The following EIPR1 variants were observed in gnomAD, a reference collection of about 807,000 sequenced individuals.
The protein encoded by EIPR1 is EARP complex and GARP complex interacting protein 1.
Under a neutral mutation model 48.1 loss-of-function variants are expected in EIPR1, and 25 were observed. The observed-to-expected ratio is 0.52, with a 90% CI of 0.38 to 0.73. The LOEUF is 0.73. Ranked by LOEUF, EIPR1 falls within the 30% of genes least tolerant of loss-of-function variation. The pLI is 0.00. For missense variants in EIPR1, 415 were observed against 506.2 expected (o/e 0.82, Z 1.73); for synonymous variants, 204 against 201.9 (o/e 1.01, Z -0.09).
chr2:3,324,252 C>A (rs187556638), intron 3 of EIPR1, among the ~76,000 whole-genome samples: 3 of 152,332 alleles, frequency 2.0e-5, no homozygotes. Context: ...GAGCGCAGGA[C>A]CCACCCGAGA....
At position 3,309,902 on chromosome 2, in the gene EIPR1, C is replaced by G. The variant is rs576455925; in HGVS notation, c.259+28115G>C. On this transcript the variant is annotated intron_variant, in intron 3 of 8. Coordinates refer to ENST00000382125, the MANE Select transcript of EIPR1 (RefSeq NM_003310.5). ...GAGACGGTGGTGTGGGTAGGATTCTCCCTGCAGGCTCTGGCAGCGCCCCTG... is the reference window on the plus strand; with the variant it reads ...GAGACGGTGGTGTGGGTAGGATTCTGCCTGCAGGCTCTGGCAGCGCCCCTG... Among the ~76,000 whole-genome samples the G allele has an allele frequency of 2.6e-5, 4 of 152,224 alleles. No homozygotes were observed. The East Asian group carries it at 5.8e-4, about 22-fold the overall frequency.
chr2:3,229,081 G>A (rs547731151), intron 4 of EIPR1, among the ~76,000 whole-genome samples: 2 of 152,338 alleles, frequency 1.3e-5, no homozygotes, highest in East Asian at 3.9e-4. Context: ...AGAATGAACA[G>A]AGCAGTTGAC....
chr2:3,192,362 C>A, intron 8 of EIPR1, 52 bp downstream of exon 8: 1 of 1,509,400 alleles, frequency 6.6e-7, no homozygotes, highest in Non-Finnish European at 8.9e-7. Context: ...GATGGCTGTG[C>A]AGACAGGAGG....
At chr2:3,217,608 G>C (rs773631732) in intron 4 of EIPR1, among the ~76,000 whole-genome samples, 41 of 152,084 alleles carry the variant, frequency 2.7e-4, no homozygotes, top group Non-Finnish European at 5.7e-4. Context: ...ACTGTAGAAA[G>C]AGATGTTCGT....
At chr2:3,342,184 A>G (rs1397059459) in intron 2 of EIPR1, among the ~76,000 whole-genome samples, 1 of 152,232 alleles carries the variant, frequency 6.6e-6, no homozygotes, top group Non-Finnish European at 1.5e-5. Context: ...CATAGCTTTA[A>G]AAGTTATGAT....
intron 1 of EIPR1, 184 bp downstream of exon 1, chr2:3,377,464 G>C (rs1659928992): frequency 1.5e-6 from 1 of 658,768 alleles, no homozygotes; most frequent in Non-Finnish European, 2.4e-6. Flanking sequence ...GGCCAACCCT[G>C]TTATCCAGTA....
Position 3,189,248 on chromosome 2 carries a change from GA to G in EIPR1, c.*85del. ...CCAGAGAGGGATCCACCTGGAACACGAGTCACCTCCAAAGAGCTGCGACTGT... is the reference window on the plus strand; with the variant it reads ...CCAGAGAGGGATCCACCTGGAACACGGTCACCTCCAAAGAGCTGCGACTGT... On this transcript the variant is annotated 3_prime_UTR_variant, in exon 9 of 9. Coordinates refer to ENST00000382125, the MANE Select transcript of EIPR1 (RefSeq NM_003310.5). This position sits in a 1 kb window ranked among gnomAD's most constrained non-coding sequence, Gnocchi z 4.6. 7.4e-7 allele frequency: 1 copy of G among 1,346,664 alleles called. No individual in the cohort carries two copies. The highest frequency in any genetic ancestry group is 9.8e-7 in the Non-Finnish European group (1 of 1,017,238). The allele number at this position is 1,346,664 out of a possible 1,614,324, so 83.4% of individuals were successfully genotyped here.
chr2:3,287,743 C>T (rs908024058), intron 3 of EIPR1, among the ~76,000 whole-genome samples: 6 of 151,932 alleles, frequency 3.9e-5, no homozygotes, highest in Non-Finnish European at 7.4e-5. Context: ...CTCTAGAAAG[C>T]TCATTCACTA....
At chr2:3,229,993 T>C (rs1349715624) in intron 4 of EIPR1, among the ~76,000 whole-genome samples, 1 of 152,226 alleles carries the variant, frequency 6.6e-6, no homozygotes, top group African/African-American at 2.4e-5. Context: ...TTTTCAACAC[T>C]ATCTTTACAT....
chr2:3,349,215 G>A (rs1258596285), intron 2 of EIPR1, among the ~76,000 whole-genome samples: 1 of 152,114 alleles, frequency 6.6e-6, no homozygotes, highest in East Asian at 1.9e-4. Context: ...ATTCTGCCAC[G>A]CACCAGCTCC....
intron 6 of EIPR1, among the ~76,000 whole-genome samples, chr2:3,196,506 G>A (rs746808065): frequency 6.6e-6 from 1 of 152,166 alleles, no homozygotes; most frequent in African/African-American, 2.4e-5. Flanking sequence ...ACGACCCCAG[G>A]AGAGACTTAA....
chr2:3,228,401 C>T (rs965927005), intron 4 of EIPR1, among the ~76,000 whole-genome samples: 2 of 152,234 alleles, frequency 1.3e-5, no homozygotes, highest in African/African-American at 4.8e-5. Flanking sequence ...TTGCTCAATG[C>T]CTGTACCACC....
At chr2:3,209,385 C>T (rs930145583) in intron 5 of EIPR1, among the ~76,000 whole-genome samples, 1 of 152,198 alleles carries the variant, frequency 6.6e-6, no homozygotes, top group African/African-American at 2.4e-5. Flanking sequence ...ACAAGCAGCC[C>T]AGAAAAAACC....
At chr2:3,252,307 C>T (rs925913340) in intron 4 of EIPR1, among the ~76,000 whole-genome samples, 3 of 152,004 alleles carry the variant, frequency 2.0e-5, no homozygotes, top group East Asian at 3.9e-4. Context: ...AACGGCAAAA[C>T]GGGCCACGTG....
intron 1 of EIPR1, among the ~76,000 whole-genome samples, chr2:3,356,111 G>A (rs764870346): frequency 2.0e-5 from 3 of 152,236 alleles, no homozygotes; most frequent in Non-Finnish European, 4.4e-5. Flanking sequence ...CAATCCAATG[G>A]GGAGCTCTGG....
chr2:3,303,508 C>T (rs1668820715), intron 3 of EIPR1, among the ~76,000 whole-genome samples: 1 of 152,274 alleles, frequency 6.6e-6, no homozygotes, highest in Non-Finnish European at 1.5e-5. Context: ...CCCACTGTCC[C>T]CTCACGCTGC....
chr2:3,338,259 A>G, intron 2 of EIPR1, 110 bp from the exon 3 acceptor site: 1 of 1,281,734 alleles, frequency 7.8e-7, no homozygotes, highest in Non-Finnish European at 1.1e-6. Flanking sequence ...TGACAGATAC[A>G]TCTTTAGTTA....
intron 4 of EIPR1, among the ~76,000 whole-genome samples, chr2:3,255,276 A>G (rs1293295633): frequency 6.6e-6 from 1 of 151,606 alleles, no homozygotes; most frequent in Non-Finnish European, 1.5e-5. Context: ...TCCGCCTCCC[A>G]GATTCAAGTG....
At chr2:3,357,320 C>T (rs756394185) in intron 1 of EIPR1, among the ~76,000 whole-genome samples, 4 of 152,240 alleles carry the variant, frequency 2.6e-5, no homozygotes, top group Non-Finnish European at 4.4e-5. Context: ...ACACCCTCCA[C>T]CAGTAACAAT....
Sources: allele counts gnomAD v4.1 joint callset (sites outside exome capture counted in the v4.1 genomes callset), GRCh38; gene constraint gnomAD v4.1.1; non-coding constraint Gnocchi (gnomAD v3.1); transcripts MANE v1.5; gene names NCBI Gene and HGNC (gene_info 2026-07-23, HGNC 2026-07-21).